PCLO: variants seen among roughly 807,000 people sequenced by gnomAD.
PCLO encodes the protein protein piccolo.
PCLO carries 82 observed loss-of-function variants against 427.5 expected under a neutral mutation model. That is an observed-to-expected ratio of 0.19 (90% confidence interval 0.16 to 0.23). The LOEUF (loss-of-function observed/expected upper bound fraction) is 0.23, where lower values mean the gene tolerates loss of function less well. Among genes scored for constraint, PCLO ranks in the 10% least tolerant of loss-of-function variants. The probability of loss-of-function intolerance (pLI) is 1.00; values close to 1 mark genes in which losing one functional copy is unlikely to be tolerated. For missense variants in PCLO, 6,239 were observed against 6,115.9 expected, an observed-to-expected ratio of 1.02 and a Z score of -0.67; for synonymous variants, 2,357 against 2,155.4, an observed-to-expected ratio of 1.09 and a Z score of -2.59.
At chr7:82,766,973 C>A (rs756939052) in intron 22 of PCLO, among the ~76,000 whole-genome samples, 4 of 152,060 alleles carry the variant, frequency 2.6e-5, no homozygotes, top group Non-Finnish European at 4.4e-5. Context: ...CAGGTGGTTG[C>A]GTTAATTGTG....
chr7:82,953,491 G>A lies in PCLO; in HGVS notation c.7462C>T (p.Pro2488Ser), dbSNP rs201369821. Reference protein sequence around the residue: ...ICTTAPPPVPPKPSSIPSGLV... With the variant: ...ICTTAPPPVPSKPSSIPSGLV... ...CCAGATGGAATTGAAGATGGCTTAG[G>A]AGGAACAGGAGGAGGTGCAGTAGTA... Residue 2488 changes from proline (P) to serine (S), a missense_variant, in exon 5 of 25, where the codon CCT (proline) becomes TCT (serine). Pro to Ser is a moderately conservative substitution (Grantham distance 74, BLOSUM62 -1). Coordinates refer to ENST00000333891, the MANE Select transcript of PCLO (RefSeq NM_033026.6). 2 of 1,613,622 alleles carry A rather than the reference G, an allele frequency of 1.2e-6. No individual in the cohort carries two copies. Among genetic ancestry groups the A allele is most frequent in the African/African-American group, 1.3e-5 (1 of 74,938 alleles).
At chr7:82,901,664 G>A (rs1794043224) in intron 9 of PCLO, among the ~76,000 whole-genome samples, 1 of 152,014 alleles carries the variant, frequency 6.6e-6, no homozygotes. Context: ...GAAAATTTTT[G>A]CAACCTACTC....
intron 3 of PCLO, among the ~76,000 whole-genome samples, chr7:83,011,166 GA>G (rs1201904522): frequency 1.3e-5 from 2 of 151,874 alleles, no homozygotes; most frequent in African/African-American, 2.4e-5. Context: ...AGGAGATAAT[GA>G]AAAACTTTTA....
intron 9 of PCLO, among the ~76,000 whole-genome samples, chr7:82,881,681 G>A (rs1294444822): frequency 1.3e-5 from 2 of 152,102 alleles, no homozygotes; most frequent in Non-Finnish European, 2.9e-5. Context: ...ATTTCACTCT[G>A]TTGCCCTTGC....
At chr7:82,783,508 G>A (rs1057239834) in intron 22 of PCLO, among the ~76,000 whole-genome samples, 2 of 152,114 alleles carry the variant, frequency 1.3e-5, no homozygotes, top group Admixed American at 1.3e-4. Context: ...TGTAGTGCCA[G>A]CTACTCAGGA....
chr7:83,148,641 T>A (rs1482304833), intron 2 of PCLO, among the ~76,000 whole-genome samples: 2 of 152,210 alleles, frequency 1.3e-5, no homozygotes, highest in Admixed American at 6.5e-5. Context: ...GTATGTTAAC[T>A]ATAGAGAAAA....
intron 9 of PCLO, chr7:82,894,346 A>T (rs989331788): frequency 6.5e-6 from 1 of 154,900 alleles, no homozygotes; most frequent in South Asian, 2.1e-4. Flanking sequence ...TGATAAAGAC[A>T]TACCCAAGAC....
chr7:82,822,376 G>C, intron 20 of PCLO, 119 bp downstream of exon 20: 10 of 1,586,414 alleles, frequency 6.3e-6, no homozygotes, highest in Non-Finnish European at 8.6e-6. Flanking sequence ...CAAAGGGACA[G>C]AGAACAGGGT....
Position 82,950,742 on chromosome 7 carries a change from C to G in PCLO, c.9846G>C (p.Arg3282Ser), listed in dbSNP as rs1424381418. Reference protein sequence around the residue: ...EEERQAQFMMRQETLAQQQLQ... With the variant: ...EEERQAQFMMSQETLAQQQLQ... ...ACTGTTGCTGAGCTAACGTCTCCTG[C>G]CTCATCATGAACTGGGCTTGCCGCT... The change falls in exon 6 of 25, where the codon AGG (arginine) becomes AGC (serine). Residue 3282 changes from arginine to serine, a missense_variant. Arg to Ser is a moderately radical substitution (Grantham distance 110). Around this residue, in one of 5 missense-constraint regions of PCLO, gnomAD observed 4,677 missense variants for 4,468.4 expected, o/e 1.05. Coordinates refer to ENST00000333891, the MANE Select transcript of PCLO (RefSeq NM_033026.6). 1 of 1,613,820 alleles carries G rather than the reference C, an allele frequency of 6.2e-7. No individual in the cohort carries two copies. Among genetic ancestry groups the G allele is most frequent in the South Asian group, 1.1e-5 (1 of 91,078 alleles).
intron 1 of PCLO, among the ~76,000 whole-genome samples, chr7:83,160,494 T>A (rs1395602571): frequency 1.3e-5 from 2 of 152,144 alleles, no homozygotes. Flanking sequence ...TATGTACCTT[T>A]TATAGAAATC....
intron 3 of PCLO, among the ~76,000 whole-genome samples, chr7:83,034,349 G>A (rs951560193): frequency 6.6e-6 from 1 of 152,042 alleles, no homozygotes. Flanking sequence ...CAACCACACC[G>A]AGCTACTTTT....
At position 82,953,377 on chromosome 7, in the gene PCLO, GT is replaced by G; in HGVS notation, c.7575del (p.Lys2525AsnfsTer14). On this transcript the variant is annotated frameshift_variant, in exon 5 of 25. Coordinates refer to ENST00000333891, the MANE Select transcript of PCLO (RefSeq NM_033026.6). LOFTEE classifies it high-confidence loss of function. ...GTTGGTTTGGGGTGTATATCTGTTGGTTTTTGTGTAGTTGTTGGAAGCTGAG... is the reference window on the plus strand; with the variant it reads ...GTTGGTTTGGGGTGTATATCTGTTGGTTTTGTGTAGTTGTTGGAAGCTGAG... ...VIPQLPTTTQ[K>X]PTDIHPKPTG... 6.2e-7 allele frequency: 1 copy of G among 1,613,716 alleles called. No individual in the cohort carries two copies.
rs777072837 is a variant in PCLO, at chr7:82,949,638, A to T, written c.10950T>A (p.Asp3650Glu). 1.2e-6 allele frequency: 2 copies of T among 1,613,836 alleles called. No individual in the cohort carries two copies. Among genetic ancestry groups the T allele is most frequent in the South Asian group, 1.1e-5 (1 of 91,074 alleles). The change falls in exon 6 of 25, where the codon GAT becomes GAA. Residue 3650 changes from aspartate (D) to glutamate (E), a missense_variant. Around this residue, in one of 5 missense-constraint regions of PCLO, gnomAD observed 4,677 missense variants for 4,468.4 expected, o/e 1.05. Coordinates refer to ENST00000333891, the MANE Select transcript of PCLO (RefSeq NM_033026.6). ...GATGCAGTACTTTCTGTGGACTTAT[A>T]TCATCAGGGAGGGGTTTTTCATAAG... ...FVPYEKPLPD[D>E]ISPQKVLHPD...
intron 2 of PCLO, among the ~76,000 whole-genome samples, chr7:83,136,199 A>G (rs1791725422): frequency 6.6e-6 from 1 of 152,096 alleles, no homozygotes; most frequent in African/African-American, 2.4e-5. Flanking sequence ...TGTTTCTTCT[A>G]ATGGTAATTG....
intron 4 of PCLO, among the ~76,000 whole-genome samples, chr7:82,958,286 C>T (rs1297865463): frequency 6.6e-6 from 1 of 151,348 alleles, no homozygotes; most frequent in African/African-American, 2.4e-5. Flanking sequence ...TCCTTCCTTC[C>T]TTCCTTCCTC....
At chr7:82,998,391 A>AAACAACAACAACAAC (rs79603092) in intron 3 of PCLO, among the ~76,000 whole-genome samples, 41 of 149,286 alleles carry the variant, frequency 2.7e-4, no homozygotes, top group East Asian at 2.0e-3. Context: ...TGTCCTTTAA[A>AAACAACAACAACAAC]AACAACAACA....
chr7:82,893,365 C>T (rs979397434), intron 9 of PCLO, among the ~76,000 whole-genome samples: 1 of 151,816 alleles, frequency 6.6e-6, no homozygotes, highest in African/African-American at 2.4e-5. Context: ...TAGGTGGGAA[C>T]TGAACAATGA....
Position 82,832,843 on chromosome 7 carries a change from A to ACACACG in PCLO, c.14249+2823_14249+2824insCGTGTG, listed in dbSNP as rs1336561441. 8.3e-4 allele frequency among the ~76,000 whole-genome samples: 118 copies of ACACACG among 142,984 alleles called. 2 individuals are homozygous for ACACACG. The highest frequency in any genetic ancestry group is 9.8e-4 in the Non-Finnish European group (63 of 64,568). 93.8% of individuals were successfully genotyped at this position (142,984 alleles called of 152,430 possible). A position where few individuals can be genotyped will look rare whatever the true frequency, so the allele number is the denominator to read the frequency against. On this transcript the variant is annotated intron_variant, in intron 16 of 24. Coordinates refer to ENST00000333891, the MANE Select transcript of PCLO (RefSeq NM_033026.6). ...CACACACACACACACACACACACAC[A>ACACACG]CGTTTTTCAAAATTACTCCTCTGAG... is the stretch of plus-strand genomic sequence containing the variant.
rs778640049 is a variant in PCLO at position 83,135,040 on chromosome 7, C to T, written c.2510G>A (p.Ser837Asn). Reference sequence around the variant, plus strand: ...TTGTTTTTGACCTTTGCTCTCTGAACTGGGACCAGGATGTGAAATAATTTT... The same window carrying T: ...TTGTTTTTGACCTTTGCTCTCTGAATTGGGACCAGGATGTGAAATAATTTT... ...DSKIISHPGP[S>N]SESKGQKQVD... is the part of the protein sequence containing the mutation. Residue 837 changes from serine (S) to asparagine (N), a missense_variant, in exon 3 of 25, where the codon AGT becomes AAT. Around this residue, in one of 5 missense-constraint regions of PCLO, gnomAD observed 4,677 missense variants for 4,468.4 expected, o/e 1.05. Coordinates refer to ENST00000333891, the MANE Select transcript of PCLO (RefSeq NM_033026.6). 2 of 1,613,934 alleles carry T rather than the reference C, an allele frequency of 1.2e-6. No individual in the cohort carries two copies. Among genetic ancestry groups the T allele is most frequent in the East Asian group, 4.5e-5 (2 of 44,870 alleles).
Sources: gnomAD v4.1 joint callset for allele counts (sites outside exome capture counted in the v4.1 genomes callset) on GRCh38, gnomAD v4.1.1 for gene constraint, gnomAD v4.1.1 regional missense constraint, MANE v1.5 for transcripts, NCBI Gene and HGNC (gene_info 2026-07-23, HGNC 2026-07-21) for gene names.